The following MICU1 variants were observed in gnomAD, a reference collection of about 807,000 sequenced individuals.
The protein encoded by MICU1 is mitochondrial calcium uptake 1.
A neutral mutation model predicts 56.8 loss-of-function variants in MICU1; 45 were observed. The observed-to-expected ratio is 0.79, with a 90% confidence interval of 0.62 to 1.02. MICU1 has a LOEUF of 1.02. Among genes scored for constraint, MICU1 ranks in the 50% least tolerant of loss-of-function variants. MICU1 has a pLI of 0.00. For missense variants in MICU1, 504 were observed against 587.1 expected, an observed-to-expected ratio of 0.86 and a Z score of 1.46; for synonymous variants, 186 against 195.1, an observed-to-expected ratio of 0.95 and a Z score of 0.39.
chr10:72,625,576 G>C (rs1351903940), intron 1 of MICU1, among the ~76,000 whole-genome samples: 1 of 152,142 alleles, frequency 6.6e-6, no homozygotes, highest in African/African-American at 2.4e-5. Context: ...CACTTATTTC[G>C]ATTCAGTGGT....
chr10:72,588,465 G>A (rs1421749236), intron 1 of MICU1, among the ~76,000 whole-genome samples: 1 of 152,066 alleles, frequency 6.6e-6, no homozygotes. Context: ...CTTCTTGAAT[G>A]AAGAAATACC....
At chr10:72,435,076 C>A (rs1030049410) in intron 8 of MICU1, among the ~76,000 whole-genome samples, 1 of 151,914 alleles carries the variant, frequency 6.6e-6, no homozygotes, top group Non-Finnish European at 1.5e-5. Flanking sequence ...TTGTGAGTAA[C>A]TGAATAAATA....
In MICU1 at chr10:72,566,505, C is replaced by A. The variant is rs1840442431; in HGVS notation, c.161+128G>T. On this transcript the variant is annotated intron_variant, in intron 2 of 11. Transcript: ENST00000361114. ...ATCTTATTTCATAGACGAATATTAA[C>A]AATACCAAATGATCCGAGCAAGAAA... The A allele has an allele frequency of 3.3e-6, 3 of 922,576 alleles. No homozygotes were observed. The Admixed American group carries it at 8.9e-5, about 28-fold the overall frequency. The allele number at this position is 922,576 out of a possible 1,614,324, so 57.1% of individuals were successfully genotyped here. A position where few individuals can be genotyped will look rare whatever the true frequency, so the allele number is the denominator to read the frequency against.
At chr10:72,377,624 C>T (rs980754684) in intron 10 of MICU1, among the ~76,000 whole-genome samples, 3 of 152,126 alleles carry the variant, frequency 2.0e-5, no homozygotes, top group African/African-American at 7.2e-5. Context: ...CTCATTTATC[C>T]TCAAACCTGG....
chr10:72,562,151 T>TTTTTG, intron 3 of MICU1, among the ~76,000 whole-genome samples: 1 of 135,920 alleles, frequency 7.4e-6, no homozygotes, highest in Non-Finnish European at 1.6e-5. Context: ...TAAAATCTTT[T>TTTTTG]TTTTTTTTTT....
Position 72,544,832 on chromosome 10 carries a change from T to C in MICU1, c.493+6347A>G, listed in dbSNP as rs185882820. Among the ~76,000 whole-genome samples the C allele has an allele frequency of 5.5e-4, 84 of 152,346 alleles. 1 individual carries two copies. Among genetic ancestry groups the C allele is most frequent in the African/African-American group, 1.9e-3 (79 of 41,584 alleles). On this transcript the variant is annotated intron_variant, in intron 4 of 11. Coordinates refer to ENST00000361114, the MANE Select transcript of MICU1 (RefSeq NM_001195518.2). ...ATGATTACTCCAAACTTTCTTGACA[T>C]TTGGTACAGAAGAATTCTTATTCAT...
intron 1 of MICU1, among the ~76,000 whole-genome samples, chr10:72,618,555 T>C (rs915193009): frequency 4.6e-5 from 7 of 152,208 alleles, no homozygotes; most frequent in African/African-American, 1.7e-4. Flanking sequence ...AAAATAATAA[T>C]GCTACTTTAT....
chr10:72,527,857 T>G (rs539837860), intron 5 of MICU1, among the ~76,000 whole-genome samples: 101 of 152,312 alleles, frequency 6.6e-4, no homozygotes, highest in Non-Finnish European at 1.2e-3. Flanking sequence ...AGACGGAATC[T>G]TGCTCTATTG....
In MICU1 at chr10:72,411,331, C is replaced by CT. The variant is rs1170548958; in HGVS notation, c.1072-3295dup. On this transcript the variant is annotated intron_variant, in intron 9 of 11. Coordinates refer to ENST00000361114, the MANE Select transcript of MICU1 (RefSeq NM_001195518.2). ...AACATGCTAAAGCTCTTTTACTTTTCTTTTTTTTTTTTTTGAGACGGAGTC... is the reference window on the plus strand; with the variant it reads ...AACATGCTAAAGCTCTTTTACTTTTCTTTTTTTTTTTTTTTGAGACGGAGTC... Among the ~76,000 whole-genome samples the CT allele has an allele frequency of 7.7e-3, 1,097 of 142,930 alleles. 9 individuals are homozygous for CT. The highest frequency in any genetic ancestry group is 0.022 in the African/African-American group (862 of 39,232). The allele number at this position is 142,930 out of a possible 152,430, so 93.8% of individuals were successfully genotyped here.
intron 8 of MICU1, among the ~76,000 whole-genome samples, chr10:72,438,451 G>A (rs147521793): frequency 0.012 from 1,903 of 152,262 alleles, 20 homozygotes; most frequent in Non-Finnish European, 0.019. Flanking sequence ...AAGCAGGAAC[G>A]ATCTAAAATC....
chr10:72,469,692 G>C lies in MICU1; in HGVS notation c.933+5408C>G, dbSNP rs541532851. Among the ~76,000 whole-genome samples, 64 of 152,278 alleles carry C rather than the reference G, an allele frequency of 4.2e-4. 1 individual carries two copies. In the South Asian group the frequency reaches 0.013, roughly 32 times the overall value. ...TTAAAGGCACAGTGCATGCCCAGTG[G>C]TGTTAGGTATGAAATATTTTATTAG... is the stretch of plus-strand genomic sequence containing the variant. On this transcript the variant is annotated intron_variant, in intron 8 of 11. Transcript: ENST00000361114.
chr10:72,596,690 TG>T (rs201606845), intron 1 of MICU1, among the ~76,000 whole-genome samples: 3,275 of 151,512 alleles, frequency 0.022, 121 homozygotes, highest in African/African-American at 0.076. Flanking sequence ...CTGGCCAACA[TG>T]GTGAAACCCT....
At chr10:72,432,301 T>A (rs944893048) in intron 8 of MICU1, among the ~76,000 whole-genome samples, 1 of 152,050 alleles carries the variant, frequency 6.6e-6, no homozygotes, top group African/African-American at 2.4e-5. Context: ...AAAAACCAAA[T>A]TTTCTTTTTG....
At position 72,551,141 on chromosome 10, in the gene MICU1, T is replaced by C. The variant is rs772300490; in HGVS notation, c.493+38A>G. On this transcript the variant is annotated intron_variant, in intron 4 of 11. Transcript: ENST00000361114. ...AGAGACAAAGTAGCCTATAACAAAA[T>C]AAATATCACAGTCTTATATTTCACT... is the stretch of plus-strand genomic sequence containing the variant. 13 of 1,549,160 alleles carry C rather than the reference T, an allele frequency of 8.4e-6. No homozygotes were observed. The East Asian group carries it at 2.1e-4, about 25-fold the overall frequency.
chr10:72,391,690 T>C (rs1589163877), intron 10 of MICU1, among the ~76,000 whole-genome samples: 5 of 152,124 alleles, frequency 3.3e-5, no homozygotes, highest in African/African-American at 2.4e-5. Context: ...GGAAAAATTT[T>C]TGGAGGCTTA....
At chr10:72,607,852 T>G (rs547247254) in intron 1 of MICU1, among the ~76,000 whole-genome samples, 59 of 151,126 alleles carry the variant, frequency 3.9e-4, no homozygotes, top group Admixed American at 2.9e-3. Flanking sequence ...CATTAACCTG[T>G]GGGGGGGGTC....
chr10:72,377,160 G>A (rs1477184336), intron 10 of MICU1, among the ~76,000 whole-genome samples: 1 of 151,460 alleles, frequency 6.6e-6, no homozygotes, highest in Non-Finnish European at 1.5e-5. Context: ...TACTCTGTCC[G>A]CCAGACTGGA....
intron 8 of MICU1, among the ~76,000 whole-genome samples, chr10:72,446,553 T>G (rs1865112019): frequency 6.6e-6 from 1 of 152,168 alleles, no homozygotes; most frequent in Non-Finnish European, 1.5e-5. Context: ...GCTCTCGAAC[T>G]CCTGACCTCA....
At chr10:72,597,987 T>G (rs1271054698) in intron 1 of MICU1, among the ~76,000 whole-genome samples, 3 of 152,188 alleles carry the variant, frequency 2.0e-5, no homozygotes, top group African/African-American at 7.2e-5. Context: ...GCTCAATCTG[T>G]AGTTATGTAC....
Sources: allele counts gnomAD v4.1 joint callset (sites outside exome capture counted in the v4.1 genomes callset), GRCh38; gene constraint gnomAD v4.1.1; transcripts MANE v1.5; gene names NCBI Gene and HGNC (gene_info 2026-07-23, HGNC 2026-07-21).